The following DRD3 variants were observed in gnomAD, a reference collection of about 807,000 sequenced individuals.
DRD3 encodes dopamine receptor D3.
A neutral mutation model predicts 36.3 loss-of-function variants in DRD3; 19 were observed. The observed-to-expected ratio is 0.52, with a 90% CI of 0.36 to 0.77. DRD3 has a LOEUF of 0.77. DRD3 is among the 30% of genes least tolerant of loss of function. The pLI, the probability that DRD3 is intolerant of heterozygous loss-of-function variation, is 0.00. For synonymous variants in DRD3, 195 were observed against 203.7 expected (o/e 0.96, Z 0.36); for missense variants, 465 against 505.3 (o/e 0.92, Z 0.77).
intron 2 of DRD3, among the ~76,000 whole-genome samples, chr3:114,165,987 A>AT (rs57837932): frequency 0.012 from 1,305 of 112,364 alleles, 14 homozygotes; most frequent in African/African-American, 0.018. Flanking sequence ...AACAGTTTGT[A>AT]TTTTTTTTTT....
At chr3:114,183,869 T>A (rs2077960902), upstream of DRD3, among the ~76,000 whole-genome samples, 1 of 152,114 alleles carries the variant, frequency 6.6e-6, no homozygotes, top group African/African-American at 2.4e-5. Flanking sequence ...TAAAGTTAGT[T>A]TCTTGTAGAC....
intron 3 of DRD3, among the ~76,000 whole-genome samples, chr3:114,151,011 A>T (rs545312027): frequency 6.6e-6 from 1 of 152,298 alleles, no homozygotes; most frequent in African/African-American, 2.4e-5. Context: ...AAATTTGATA[A>T]AGTCAAATTA....
intron 2 of DRD3, 104 bp downstream of exon 2, chr3:114,171,619 G>T: frequency 7.2e-7 from 1 of 1,393,850 alleles, no homozygotes; most frequent in Non-Finnish European, 9.5e-7. Context: ...TCCTTCCTCA[G>T]TTCCTGACTG....
At chr3:114,180,163 AATT>A (rs1443533839), upstream of DRD3, among the ~76,000 whole-genome samples, 3 of 152,112 alleles carry the variant, frequency 2.0e-5, no homozygotes, top group African/African-American at 7.2e-5. Context: ...AGAGAATAAT[AATT>A]ATGACAGTAA....
At chr3:114,182,179 T>C (rs1187435159), upstream of DRD3, among the ~76,000 whole-genome samples, 2 of 152,204 alleles carry the variant, frequency 1.3e-5, no homozygotes, top group South Asian at 2.1e-4. Flanking sequence ...TCCAGTAGTA[T>C]GGTTATTTCT....
intron 1 of DRD3, among the ~76,000 whole-genome samples, chr3:114,190,491 T>A (rs2078005562): frequency 1.2e-5 from 1 of 82,844 alleles, no homozygotes; most frequent in African/African-American, 5.3e-5. Flanking sequence ...TTTTTTTTTT[T>A]TTTTTTTTTT....
At chr3:114,186,161 G>A (rs1285004450) in intron 1 of DRD3, among the ~76,000 whole-genome samples, 2 of 152,112 alleles carry the variant, frequency 1.3e-5, no homozygotes, top group Non-Finnish European at 2.9e-5. Context: ...TAATGTCCTA[G>A]TCTTTAATGT....
At chr3:114,198,964 T>A (rs2078050892) in intron 1 of DRD3, among the ~76,000 whole-genome samples, 2 of 152,194 alleles carry the variant, frequency 1.3e-5, no homozygotes. Context: ...TAAGCTGGCT[T>A]GAGCTCCTGG....
intron 3 of DRD3, among the ~76,000 whole-genome samples, chr3:114,156,737 CTTTCTT>C (rs771895329): frequency 0.22 from 3,791 of 17,042 alleles, 154 homozygotes; most frequent in East Asian, 0.47. Flanking sequence ...TTCTTTCTTT[CTTTCTT>C]TTTCTTTCTT....
chr3:114,159,287 T>C (rs2077710228), intron 3 of DRD3, among the ~76,000 whole-genome samples: 1 of 151,522 alleles, frequency 6.6e-6, no homozygotes, highest in African/African-American at 2.4e-5. Flanking sequence ...TTCTCTCCTC[T>C]CTCCCCCTCA....
intron 1 of DRD3, chr3:114,176,294 G>A (rs373702082): frequency 6.4e-4 from 98 of 152,236 alleles, no homozygotes; most frequent in African/African-American, 2.3e-3. Context: ...TAGCAGCATG[G>A]AAGTTGACGT....
At chr3:114,171,699 A>C (rs1201872215) in intron 2 of DRD3, 24 bp downstream of exon 2, 1 of 1,562,260 alleles carries the variant, frequency 6.4e-7, no homozygotes, top group Non-Finnish European at 8.7e-7. Context: ...TCATAGAGAC[A>C]ACATGCACCT....
intron 1 of DRD3, among the ~76,000 whole-genome samples, chr3:114,186,651 G>T (rs376052652): frequency 6.6e-6 from 1 of 152,216 alleles, no homozygotes; most frequent in Non-Finnish European, 1.5e-5. Context: ...ATGCCACATT[G>T]CTGGAAGTGG....
Position 114,141,769 on chromosome 3 carries a change from G to A in DRD3, c.527-2073C>T, listed in dbSNP as rs570247120. Among the ~76,000 whole-genome samples the A allele has an allele frequency of 2.0e-5, 3 of 152,014 alleles. No individual in the cohort carries two copies. The East Asian group carries it at 5.8e-4, about 29-fold the overall frequency. On this transcript the variant is annotated intron_variant, in intron 4 of 6. Coordinates refer to ENST00000383673, the MANE Select transcript of DRD3 (RefSeq NM_000796.6). ...TCATCCTTTAGAAAATGGCTTATAGGGGCCAGGCATGGTGGCTCACGCCTG... is the reference window on the plus strand; with the variant it reads ...TCATCCTTTAGAAAATGGCTTATAGAGGCCAGGCATGGTGGCTCACGCCTG...
At chr3:114,155,530 G>A (rs2077658430) in intron 3 of DRD3, among the ~76,000 whole-genome samples, 2 of 150,694 alleles carry the variant, frequency 1.3e-5, no homozygotes, top group Non-Finnish European at 3.0e-5. Context: ...TTTAGGCATG[G>A]CTGCTGGCCG....
At chr3:114,139,450 A>G (rs200389162) in intron 5 of DRD3, 50 bp downstream of exon 5, 12 of 1,561,160 alleles carry the variant, frequency 7.7e-6, no homozygotes, top group Non-Finnish European at 1.0e-5. Context: ...CAGGCTGGGA[A>G]GTCAGGAGAT....
upstream of DRD3, among the ~76,000 whole-genome samples, chr3:114,183,988 A>G (rs1587757): frequency 0.14 from 21,648 of 151,940 alleles, 1,819 homozygotes; most frequent in Admixed American, 0.23. Context: ...AGAAGGACTT[A>G]CTTCTGTTGT....
intron 4 of DRD3, among the ~76,000 whole-genome samples, chr3:114,146,902 T>C (rs930161146): frequency 2.0e-5 from 3 of 152,076 alleles, no homozygotes; most frequent in Admixed American, 6.6e-5. Context: ...AGAATTTTTA[T>C]ATTAAAAATA....
intron 5 of DRD3, among the ~76,000 whole-genome samples, chr3:114,136,465 A>G (rs140418193): frequency 3.0e-4 from 45 of 152,210 alleles, no homozygotes; most frequent in African/African-American, 1.0e-3. Flanking sequence ...GCAGGACAGA[A>G]CCTAATTCTC....
Sources: allele counts gnomAD v4.1 joint callset (sites outside exome capture counted in the v4.1 genomes callset), GRCh38; gene constraint gnomAD v4.1.1; transcripts MANE v1.5; gene names NCBI Gene and HGNC (gene_info 2026-07-23, HGNC 2026-07-21).